Variants in PTPRK observed in about 807,000 individuals in gnomAD.
The protein encoded by PTPRK is receptor-type tyrosine-protein phosphatase kappa.
Under a neutral mutation model 178.0 loss-of-function variants are expected in PTPRK, and 75 were observed. The observed-to-expected ratio is 0.42, with a 90% CI of 0.35 to 0.51. The LOEUF is 0.51. Ranked by LOEUF, PTPRK falls within the 20% of genes least tolerant of loss-of-function variation. The pLI is 0.02. For missense variants in PTPRK, 1,441 were observed against 1,797.8 expected (o/e 0.80, Z 3.59); for synonymous variants, 637 against 620.6 (o/e 1.03, Z -0.39).
intron 13 of PTPRK, among the ~76,000 whole-genome samples, chr6:128,044,837 G>C (rs918544952): frequency 9.9e-5 from 15 of 151,928 alleles, no homozygotes; most frequent in African/African-American, 3.1e-4. Flanking sequence ...ATATGTGTGT[G>C]TGTATATATA....
At chr6:128,393,993 T>C (rs1345860945) in intron 2 of PTPRK, among the ~76,000 whole-genome samples, 1 of 152,178 alleles carries the variant, frequency 6.6e-6, no homozygotes, top group Non-Finnish European at 1.5e-5. Context: ...GACTCCTTCA[T>C]GCCACCTGAC....
chr6:128,497,019 A>C (rs1307437388), intron 1 of PTPRK, among the ~76,000 whole-genome samples: 1 of 152,242 alleles, frequency 6.6e-6, no homozygotes, highest in Non-Finnish European at 1.5e-5. Flanking sequence ...TAACATCCAA[A>C]AAGTACACCA....
At chr6:128,167,672 A>G (rs749595016) in intron 7 of PTPRK, among the ~76,000 whole-genome samples, 1 of 152,062 alleles carries the variant, frequency 6.6e-6, no homozygotes, top group Non-Finnish European at 1.5e-5. Flanking sequence ...CAACCACAGT[A>G]AGGTTCCCTA....
At chr6:128,302,874 T>C (rs957104833) in intron 3 of PTPRK, among the ~76,000 whole-genome samples, 2 of 152,090 alleles carry the variant, frequency 1.3e-5, no homozygotes, top group African/African-American at 2.4e-5. Context: ...ATTCAAACTT[T>C]GAGCCAATGG....
chr6:128,451,259 T>C (rs1847755249), intron 1 of PTPRK, among the ~76,000 whole-genome samples: 1 of 152,180 alleles, frequency 6.6e-6, no homozygotes, highest in Non-Finnish European at 1.5e-5. Context: ...GACCAATACA[T>C]GATGTTTCCA....
At chr6:128,471,604 T>TAAA (rs34372021) in intron 1 of PTPRK, among the ~76,000 whole-genome samples, 37 of 63,588 alleles carry the variant, frequency 5.8e-4, no homozygotes, top group African/African-American at 1.5e-3. Context: ...CAAAACAACC[T>TAAA]AAAAAAAAAA....
At chr6:128,483,253 CA>C in intron 1 of PTPRK, among the ~76,000 whole-genome samples, 1 of 151,860 alleles carries the variant, frequency 6.6e-6, no homozygotes, top group South Asian at 2.1e-4. Flanking sequence ...TGTTTAAAAG[CA>C]AAAAAGCAGC....
chr6:128,087,831 T>C (rs1786181930), intron 8 of PTPRK, among the ~76,000 whole-genome samples: 1 of 152,176 alleles, frequency 6.6e-6, no homozygotes, highest in African/African-American at 2.4e-5. Context: ...TTGAGCTAAA[T>C]GTGGTTAAAG....
chr6:128,254,014 G>C (rs1002566740), intron 3 of PTPRK, among the ~76,000 whole-genome samples: 12 of 152,088 alleles, frequency 7.9e-5, no homozygotes, highest in Admixed American at 4.6e-4. Context: ...TAATTGTTTT[G>C]TTTAAACCTC....
intron 6 of PTPRK, among the ~76,000 whole-genome samples, chr6:128,209,956 G>T (rs1327263632): frequency 6.6e-6 from 1 of 152,098 alleles, no homozygotes; most frequent in Non-Finnish European, 1.5e-5. Flanking sequence ...AATTTATACC[G>T]CAAGAACAGG....
chr6:127,973,174 C>A lies in PTPRK; in HGVS notation c.4134-17G>T. Reference sequence around the variant, plus strand: ...CCACCATTTCTGAAAGCAAAGAAAGCAAAGGCATTTTAGATAGCAGCACCA... The same window carrying A: ...CCACCATTTCTGAAAGCAAAGAAAGAAAAGGCATTTTAGATAGCAGCACCA... On this transcript the variant is annotated splice_polypyrimidine_tract_variant and intron_variant, in intron 28 of 29. Coordinates refer to ENST00000368226, the MANE Select transcript of PTPRK (RefSeq NM_002844.4). 1 of 1,613,418 alleles carries A rather than the reference C, an allele frequency of 6.2e-7. No individual in the cohort carries two copies. Among genetic ancestry groups the A allele is most frequent in the Non-Finnish European group, 8.5e-7 (1 of 1,179,622 alleles).
intron 2 of PTPRK, among the ~76,000 whole-genome samples, chr6:128,368,797 A>G (rs1311294135): frequency 1.3e-5 from 2 of 152,054 alleles, no homozygotes; most frequent in African/African-American, 4.8e-5. Context: ...TTTCTACAGT[A>G]CTCTCTAGTT....
chr6:128,266,570 G>A (rs1818985822), intron 3 of PTPRK, among the ~76,000 whole-genome samples: 1 of 152,076 alleles, frequency 6.6e-6, no homozygotes, highest in Non-Finnish European at 1.5e-5. Flanking sequence ...CTTCTTCTAT[G>A]AATTTTCATC....
chr6:128,440,887 G>A (rs568716597), intron 1 of PTPRK, among the ~76,000 whole-genome samples: 5 of 151,784 alleles, frequency 3.3e-5, no homozygotes, highest in Admixed American at 1.3e-4. Context: ...AAAATACCAC[G>A]GTGAATATCT....
intron 1 of PTPRK, among the ~76,000 whole-genome samples, chr6:128,427,360 C>T (rs1370613995): frequency 6.6e-6 from 1 of 152,198 alleles, no homozygotes; most frequent in Non-Finnish European, 1.5e-5. Flanking sequence ...CTCTAAGCCA[C>T]ACCACTCCCT....
intron 7 of PTPRK, among the ~76,000 whole-genome samples, chr6:128,168,793 C>A (rs1247193515): frequency 6.6e-6 from 1 of 152,056 alleles, no homozygotes; most frequent in Non-Finnish European, 1.5e-5. Flanking sequence ...TTGGGGACCG[C>A]TGCACTACAG....
At chr6:128,002,794 C>T (rs879640099) in intron 15 of PTPRK, among the ~76,000 whole-genome samples, 12 of 151,826 alleles carry the variant, frequency 7.9e-5, no homozygotes, top group African/African-American at 1.4e-4. Context: ...TTTGTTCTTT[C>T]GTGGTTATAA....
chr6:128,427,089 C>T (rs1379925013), intron 1 of PTPRK, among the ~76,000 whole-genome samples: 1 of 152,136 alleles, frequency 6.6e-6, no homozygotes, highest in Non-Finnish European at 1.5e-5. Context: ...TGAACAGGCA[C>T]ATGTTAAAGG....
At chr6:128,351,121 A>G (rs766144111) in intron 2 of PTPRK, among the ~76,000 whole-genome samples, 11 of 152,176 alleles carry the variant, frequency 7.2e-5, no homozygotes, top group Non-Finnish European at 1.5e-4. Context: ...AACTTCTACC[A>G]TCTTCTACTC....
Sources: gnomAD v4.1 joint callset for allele counts (sites outside exome capture counted in the v4.1 genomes callset) on GRCh38, gnomAD v4.1.1 for gene constraint, MANE v1.5 for transcripts, NCBI Gene and HGNC (gene_info 2026-07-23, HGNC 2026-07-21) for gene names.